DPP6: variants seen among roughly 807,000 people sequenced by gnomAD.
DPP6 encodes A-type potassium channel modulatory protein DPP6.
DPP6 carries 69 observed loss-of-function variants against 122.6 expected under a neutral mutation model. That is an observed-to-expected ratio of 0.56 (90% CI 0.46 to 0.69). The LOEUF is 0.69. Ranked by LOEUF, DPP6 falls within the 30% of genes least tolerant of loss-of-function variation. The pLI is 0.00. For synonymous variants in DPP6, 418 were observed against 433.1 expected (o/e 0.97, Z 0.43); for missense variants, 928 against 1,116.9 (o/e 0.83, Z 2.41).
chr7:154,748,615 C>T (rs965922607), intron 8 of DPP6, among the ~76,000 whole-genome samples: 5 of 152,206 alleles, frequency 3.3e-5, no homozygotes, highest in African/African-American at 1.2e-4. Context: ...TGGTGCTGGA[C>T]GCTTCCTGAG....
intron 1 of DPP6, among the ~76,000 whole-genome samples, chr7:153,971,450 C>T (rs564208223): frequency 1.4e-5 from 2 of 147,842 alleles, no homozygotes; most frequent in South Asian, 4.5e-4. Context: ...CTGGCTAGGA[C>T]TGCCAGTAAA....
the DPP6 span, among the ~76,000 whole-genome samples, chr7:153,826,954 A>G: frequency 3.9e-5 from 6 of 152,058 alleles, no homozygotes; most frequent in Admixed American, 3.9e-4. Context: ...TCAAATGTGT[A>G]AGCTAAACGT....
At chr7:154,761,507 A>G (rs1795555368) in intron 8 of DPP6, among the ~76,000 whole-genome samples, 2 of 151,844 alleles carry the variant, frequency 1.3e-5, no homozygotes, top group Non-Finnish European at 2.9e-5. Context: ...GAGACTGGGT[A>G]ATTTAGAAAG....
intron 1 of DPP6, among the ~76,000 whole-genome samples, chr7:154,170,325 A>G (rs965660554): frequency 6.6e-6 from 1 of 152,172 alleles, no homozygotes; most frequent in Non-Finnish European, 1.5e-5. Context: ...GGCCTAGTCT[A>G]ATATCCCTTA....
At chr7:154,790,027 G>A (rs558823855) in intron 10 of DPP6, among the ~76,000 whole-genome samples, 16 of 152,160 alleles carry the variant, frequency 1.1e-4, no homozygotes, top group South Asian at 8.3e-4. Context: ...GTGAAACCCC[G>A]TCTCTACTAA....
At chr7:154,259,763 C>T (rs956257319) in intron 1 of DPP6, among the ~76,000 whole-genome samples, 1 of 152,164 alleles carries the variant, frequency 6.6e-6, no homozygotes, top group African/African-American at 2.4e-5. Flanking sequence ...CCATTCTGTT[C>T]ATTTCTCATT....
rs183006363 is a variant in DPP6 at position 154,251,364 on chromosome 7, A to G, written c.244-194850A>G. ...GAGAAACTAGCAAAGCCGTGAAGCC[A>G]TTAAGGAACTGACCACCTAAAAGAC... On this transcript the variant is annotated intron_variant, in intron 1 of 25. Coordinates refer to ENST00000377770, the MANE Select transcript of DPP6 (RefSeq NM_130797.4). 4.6e-5 allele frequency among the ~76,000 whole-genome samples: 7 copies of G among 152,370 alleles called. No individual in the cohort carries two copies. In the East Asian group the frequency reaches 1.3e-3, roughly 29 times the overall value.
intron 5 of DPP6, among the ~76,000 whole-genome samples, chr7:154,636,038 C>G (rs1835708248): frequency 6.6e-6 from 1 of 152,208 alleles, no homozygotes; most frequent in African/African-American, 2.4e-5. Flanking sequence ...TCCTCCTCTC[C>G]TCTTCCCCCT....
chr7:154,239,829 A>AG (rs1228374381), intron 1 of DPP6, among the ~76,000 whole-genome samples: 1 of 150,908 alleles, frequency 6.6e-6, no homozygotes, highest in Admixed American at 6.6e-5. Flanking sequence ...AAAAAAAAAA[A>AG]AAAAAGAAAA....
chr7:154,595,013 A>G (rs1586703378), intron 5 of DPP6, among the ~76,000 whole-genome samples: 1 of 150,056 alleles, frequency 6.7e-6, no homozygotes, highest in Admixed American at 6.6e-5. Flanking sequence ...TGTATCATTG[A>G]TTTTTTTTTT....
intron 23 of DPP6, among the ~76,000 whole-genome samples, chr7:154,887,959 T>G (rs1170054778): frequency 6.6e-6 from 1 of 152,070 alleles, no homozygotes; most frequent in Non-Finnish European, 1.5e-5. Context: ...TTATAGGACT[T>G]GAGGGATGAG....
chr7:154,172,163 T>TGCCTGCCTGCCA (rs1797567179), intron 1 of DPP6, among the ~76,000 whole-genome samples: 1 of 150,984 alleles, frequency 6.6e-6, no homozygotes, highest in Non-Finnish European at 1.5e-5. Flanking sequence ...CCTGCCTGCC[T>TGCCTGCCTGCCA]GCCACAGGTG....
At chr7:154,220,187 C>T (rs1800224269) in intron 1 of DPP6, among the ~76,000 whole-genome samples, 1 of 152,170 alleles carries the variant, frequency 6.6e-6, no homozygotes, top group Non-Finnish European at 1.5e-5. Context: ...TAATTAAGTC[C>T]TGAGGGCTCT....
At chr7:154,889,804 G>T in intron 25 of DPP6, 1 of 478,524 alleles carries the variant, frequency 2.1e-6, no homozygotes, top group Non-Finnish European at 3.6e-6. Flanking sequence ...CCCCTCCTCC[G>T]GGCAGTGAGA....
At chr7:154,163,806 C>T (rs917862366) in intron 1 of DPP6, among the ~76,000 whole-genome samples, 7 of 152,272 alleles carry the variant, frequency 4.6e-5, no homozygotes, top group Admixed American at 2.0e-4. Flanking sequence ...GTGGGAAGCA[C>T]CTGGGCCACT....
At chr7:154,492,410 G>A (rs1824356202) in intron 3 of DPP6, among the ~76,000 whole-genome samples, 1 of 152,182 alleles carries the variant, frequency 6.6e-6, no homozygotes, top group Non-Finnish European at 1.5e-5. Flanking sequence ...CGCAGTGCAT[G>A]TTGATTTAAT....
intron 16 of DPP6, among the ~76,000 whole-genome samples, chr7:154,814,571 A>C (rs940527016): frequency 2.0e-5 from 3 of 152,190 alleles, no homozygotes; most frequent in African/African-American, 7.2e-5. Flanking sequence ...TCCATCTTTA[A>C]AGAAAAAAAG....
intron 1 of DPP6, among the ~76,000 whole-genome samples, chr7:153,898,606 A>T (rs1799510263): frequency 6.6e-6 from 1 of 152,222 alleles, no homozygotes; most frequent in African/African-American, 2.4e-5. Context: ...CAACAAGAAA[A>T]TGAAAACGAG....
chr7:154,802,992 C>T (rs1033987325), intron 13 of DPP6, among the ~76,000 whole-genome samples: 1 of 152,210 alleles, frequency 6.6e-6, no homozygotes, highest in Non-Finnish European at 1.5e-5. Context: ...CCACCTCCTG[C>T]AGGTTCCCAG....
Sources: gnomAD v4.1 joint callset for allele counts (sites outside exome capture counted in the v4.1 genomes callset) on GRCh38, gnomAD v4.1.1 for gene constraint, MANE v1.5 for transcripts, NCBI Gene and HGNC (gene_info 2026-07-23, HGNC 2026-07-21) for gene names.